RETREG1: variants seen among roughly 807,000 people sequenced by gnomAD.
RETREG1 encodes family with sequence similarity 134 member B.
RETREG1 carries 44 observed loss-of-function variants against 54.8 expected under a neutral mutation model. The observed-to-expected ratio is 0.80, with a 90% CI of 0.63 to 1.03. RETREG1 has a LOEUF of 1.03. Among genes scored for constraint, RETREG1 ranks in the 50% least tolerant of loss-of-function variants. The probability of loss-of-function intolerance (pLI) is 0.00; values close to 1 mark genes in which losing one functional copy is unlikely to be tolerated. For synonymous variants in RETREG1, 217 were observed against 238.5 expected, an observed-to-expected ratio of 0.91 and a Z score of 0.83; for missense variants, 554 against 605.1, an observed-to-expected ratio of 0.92 and a Z score of 0.89.
chr5:16,591,647 G>A (rs1561132450), intron 1 of RETREG1, among the ~76,000 whole-genome samples: 1 of 152,176 alleles, frequency 6.6e-6, no homozygotes, highest in Non-Finnish European at 1.5e-5. Context: ...GTGCACACAT[G>A]AGCAGTACAC....
At chr5:16,542,547 C>T (rs556391609) in intron 3 of RETREG1, among the ~76,000 whole-genome samples, 27 of 152,224 alleles carry the variant, frequency 1.8e-4, no homozygotes, top group Non-Finnish European at 3.7e-4. Flanking sequence ...AACAACGCAG[C>T]CCAGAGCCAT....
chr5:16,508,689 T>C (rs1427208547), intron 3 of RETREG1: 19 of 1,608,022 alleles, frequency 1.2e-5, no homozygotes, highest in Non-Finnish European at 1.6e-5. Flanking sequence ...CAAACAATAG[T>C]TTCTTTTCTA....
chr5:16,517,637 T>C (rs914664037), intron 3 of RETREG1, among the ~76,000 whole-genome samples: 3 of 152,116 alleles, frequency 2.0e-5, no homozygotes, highest in South Asian at 2.1e-4. Context: ...CCATGCTGCG[T>C]TACTGTCTTA....
At chr5:16,483,200 C>G in intron 4 of RETREG1, 146 bp downstream of exon 4, 1 of 907,506 alleles carries the variant, frequency 1.1e-6, no homozygotes, top group Non-Finnish European at 1.8e-6. Flanking sequence ...ACATCTGAAC[C>G]TTGCTGATAC....
chr5:16,582,615 G>T (rs1000638044), intron 1 of RETREG1, among the ~76,000 whole-genome samples: 2 of 146,348 alleles, frequency 1.4e-5, no homozygotes, highest in African/African-American at 5.0e-5. Flanking sequence ...AGAAAGTTTC[G>T]AAACTGTCAG....
intron 2 of RETREG1, among the ~76,000 whole-genome samples, chr5:16,567,717 G>A (rs1742055727): frequency 6.6e-6 from 1 of 152,116 alleles, no homozygotes; most frequent in South Asian, 2.1e-4. Context: ...AGTGCTTTGG[G>A]AGGCCAAAAC....
In RETREG1 at chr5:16,548,088, A is replaced by G. The variant is rs375667436; in HGVS notation, c.458+17675T>C. The stretch of plus-strand genomic sequence containing the variant: ...GAAAGACACTAAATACAAAATAAAA[A>G]CACACAACTCTATGAAATAAAGAAT... On this transcript the variant is annotated intron_variant, in intron 3 of 8. Coordinates refer to ENST00000306320, the MANE Select transcript of RETREG1 (RefSeq NM_001034850.3). Among the ~76,000 whole-genome samples, 76 of 152,308 alleles carry G rather than the reference A, an allele frequency of 5.0e-4. 1 individual carries two copies. In the South Asian group the frequency reaches 0.016, roughly 32 times the overall value.
At chr5:16,579,721 C>T (rs946748958) in intron 1 of RETREG1, among the ~76,000 whole-genome samples, 13 of 152,148 alleles carry the variant, frequency 8.5e-5, no homozygotes, top group African/African-American at 1.2e-4. Flanking sequence ...GTGGCTTTTT[C>T]CTACTGGTTT....
intron 3 of RETREG1, among the ~76,000 whole-genome samples, chr5:16,495,972 G>C (rs1739437672): frequency 1.3e-5 from 2 of 151,994 alleles, no homozygotes; most frequent in South Asian, 4.2e-4. Context: ...TTGATTTAGG[G>C]CTTCAAATAA....
rs386403108 is a variant in RETREG1, at chr5:16,527,800, A to ATTTTTTTTTTTTTTTTTTTTTTTTTT, written c.458+37937_458+37962dup. 7.5e-5 allele frequency among the ~76,000 whole-genome samples: 5 copies of ATTTTTTTTTTTTTTTTTTTTTTTTTT among 66,262 alleles called. 2 individuals carry two copies. The highest frequency in any genetic ancestry group is 1.2e-4 in the African/African-American group (2 of 17,148). 43.5% of individuals were successfully genotyped at this position (66,262 alleles called of 152,430 possible). Reference sequence around the variant, plus strand: ...CTTAGTACAATTTCGAGGGACTCTAATTTTTTTTTTTTTTTTTTTTTTTTT... The same window carrying ATTTTTTTTTTTTTTTTTTTTTTTTTT: ...CTTAGTACAATTTCGAGGGACTCTAATTTTTTTTTTTTTTTTTTTTTTTTTTTTTTTTTTTTTTTTTTTTTTTTTTT... On this transcript the variant is annotated intron_variant, in intron 3 of 8. Coordinates refer to ENST00000306320, the MANE Select transcript of RETREG1 (RefSeq NM_001034850.3).
chr5:16,478,997 G>C lies in RETREG1; in HGVS notation c.671-10C>G, dbSNP rs773070026. 1.9e-6 allele frequency: 3 copies of C among 1,611,092 alleles called. No homozygotes were observed. The South Asian group carries it at 3.3e-5, about 18-fold the overall frequency. On this transcript the variant is annotated splice_polypyrimidine_tract_variant and intron_variant, in intron 5 of 8. Coordinates refer to ENST00000306320, the MANE Select transcript of RETREG1 (RefSeq NM_001034850.3). ...AAAAATGCACACAGTACTGAAAGAA[G>C]AAAGAGAGCAGAGGTAAAATGCCTT...
At chr5:16,574,827 G>A (rs551363897) in intron 1 of RETREG1, among the ~76,000 whole-genome samples, 1 of 152,208 alleles carries the variant, frequency 6.6e-6, no homozygotes, top group African/African-American at 2.4e-5. Flanking sequence ...AGCATAGAAA[G>A]ATGGAACAGA....
At chr5:16,485,524 T>C (rs997550396) in intron 3 of RETREG1, among the ~76,000 whole-genome samples, 7 of 152,230 alleles carry the variant, frequency 4.6e-5, no homozygotes, top group Admixed American at 4.6e-4. Flanking sequence ...AACTTTGTTC[T>C]AATATCATCT....
intron 3 of RETREG1, among the ~76,000 whole-genome samples, chr5:16,551,447 C>T (rs1483649667): frequency 5.3e-5 from 8 of 152,182 alleles, no homozygotes; most frequent in Non-Finnish European, 1.2e-4. Flanking sequence ...ATCTTCATGA[C>T]TCTTCTTGAC....
chr5:16,483,286 G>A, intron 4 of RETREG1, 60 bp downstream of exon 4: 1 of 1,583,868 alleles, frequency 6.3e-7, no homozygotes, highest in South Asian at 1.1e-5. Flanking sequence ...AAATAGGTTA[G>A]TTCATTTGTT....
At chr5:16,515,963 C>T (rs1243678992) in intron 3 of RETREG1, among the ~76,000 whole-genome samples, 1 of 151,684 alleles carries the variant, frequency 6.6e-6, no homozygotes, top group Non-Finnish European at 1.5e-5. Flanking sequence ...TATATGATGA[C>T]CCTGAAAAGA....
intron 3 of RETREG1, among the ~76,000 whole-genome samples, chr5:16,528,642 C>T (rs1740808626): frequency 6.6e-6 from 1 of 152,158 alleles, no homozygotes; most frequent in Non-Finnish European, 1.5e-5. Flanking sequence ...GGGATATGTG[C>T]AAGAAGGGAC....
rs770744307 is a variant in RETREG1, at chr5:16,481,017, T to C, written c.662A>G (p.Tyr221Cys). Reference protein sequence around the residue: ...GSYIPGVILSYLLLLCAFLCP... With the variant: ...GSYIPGVILSCLLLLCAFLCP... ...TGTTCTACTATACTTACACAGTAGA[T>C]AGCTGAGTATAACCCCAGGAATGTA... Residue 221 changes from tyrosine to cysteine, a missense_variant, in exon 5 of 9, where the codon TAT (tyrosine) becomes TGT (cysteine). By Grantham distance (194) the Tyr-to-Cys change is radical. This residue lies in a region of RETREG1 where 347 missense variants were observed against 412.3 expected (regional missense o/e 0.84). Transcript: ENST00000306320. The C allele has an allele frequency of 6.2e-7, 1 of 1,608,690 alleles. No individual in the cohort carries two copies. The highest frequency in any genetic ancestry group is 8.5e-7 in the Non-Finnish European group (1 of 1,175,544).
intron 3 of RETREG1, among the ~76,000 whole-genome samples, chr5:16,542,313 T>C (rs1741273168): frequency 6.6e-6 from 1 of 152,250 alleles, no homozygotes; most frequent in African/African-American, 2.4e-5. Context: ...GACTTCTGCC[T>C]GAAGGCTTCT....
Sources: gnomAD v4.1 joint callset for allele counts (sites outside exome capture counted in the v4.1 genomes callset) on GRCh38, gnomAD v4.1.1 for gene constraint, gnomAD v4.1.1 regional missense constraint, MANE v1.5 for transcripts, NCBI Gene and HGNC (gene_info 2026-07-23, HGNC 2026-07-21) for gene names.